NFIB: variants seen among roughly 807,000 people sequenced by gnomAD.
NFIB encodes nuclear factor I B, also known as nuclear factor 1 B-type.
NFIB carries 11 observed loss-of-function variants against 61.5 expected under a neutral mutation model. The ratio of observed to expected loss-of-function variants is 0.18; its 90% CI spans 0.11 to 0.30. NFIB has a LOEUF of 0.30. Among genes scored for constraint, NFIB ranks in the 10% least tolerant of loss-of-function variants. The pLI is 1.00. For synonymous variants in NFIB, 260 were observed against 216.5 expected (o/e 1.20, Z -1.76); for missense variants, 471 against 608.9 (o/e 0.77, Z 2.38).
At chr9:14,136,959 A>G (rs1484523164) in intron 6 of NFIB, among the ~76,000 whole-genome samples, 1 of 152,164 alleles carries the variant, frequency 6.6e-6, no homozygotes, top group Non-Finnish European at 1.5e-5. Flanking sequence ...GTAAATGAAG[A>G]AAAAAAGAAC....
chr9:14,503,092 A>G, the NFIB span, among the ~76,000 whole-genome samples: 16 of 147,784 alleles, frequency 1.1e-4, no homozygotes, highest in African/African-American at 4.0e-4. Flanking sequence ...TTTATGGTAT[A>G]TATATATATA....
chr9:14,225,986 C>G (rs1369732142), intron 2 of NFIB, among the ~76,000 whole-genome samples: 1 of 152,058 alleles, frequency 6.6e-6, no homozygotes, highest in African/African-American at 2.4e-5. Context: ...ATTTTTAACA[C>G]TAATTCAGAT....
chr9:14,392,673 T>C (rs2061638671), intron 1 of NFIB, among the ~76,000 whole-genome samples: 1 of 152,028 alleles, frequency 6.6e-6, no homozygotes, highest in Non-Finnish European at 1.5e-5. Context: ...TGAGCTGTGA[T>C]TGTGCCACTG....
intron 2 of NFIB, among the ~76,000 whole-genome samples, chr9:14,189,055 C>T (rs777416353): frequency 2.6e-5 from 4 of 152,132 alleles, no homozygotes; most frequent in Non-Finnish European, 5.9e-5. Context: ...TGCTGTTTTA[C>T]CTCCAAAGTC....
At chr9:14,137,571 C>T (rs929210559) in intron 6 of NFIB, among the ~76,000 whole-genome samples, 12 of 152,056 alleles carry the variant, frequency 7.9e-5, no homozygotes, top group African/African-American at 2.7e-4. Context: ...TGTTATTTTA[C>T]AGATGGGAAA....
chr9:14,248,298 C>T (rs533526762), intron 2 of NFIB, among the ~76,000 whole-genome samples: 39 of 150,848 alleles, frequency 2.6e-4, no homozygotes, highest in Admixed American at 4.6e-4. Flanking sequence ...CCTCCCCTCT[C>T]CTCCACTCCC....
chr9:14,463,890 G>A, the NFIB span, among the ~76,000 whole-genome samples: 1 of 152,088 alleles, frequency 6.6e-6, no homozygotes, highest in Non-Finnish European at 1.5e-5. Context: ...TCGATCTCCT[G>A]ACCTCGTGGT....
chr9:14,305,146 T>G (rs1363921504), intron 2 of NFIB, among the ~76,000 whole-genome samples: 1 of 152,210 alleles, frequency 6.6e-6, no homozygotes. Flanking sequence ...TTTTTTTTCT[T>G]TTTTCAATCT....
intron 10 of NFIB, among the ~76,000 whole-genome samples, chr9:14,092,439 C>G (rs1387587800): frequency 6.6e-6 from 1 of 152,008 alleles, no homozygotes; most frequent in Admixed American, 6.6e-5. Flanking sequence ...GAAACTGAGG[C>G]AAGTTAAGTT....
chr9:14,466,277 A>G, the NFIB span, among the ~76,000 whole-genome samples: 1 of 152,190 alleles, frequency 6.6e-6, no homozygotes, highest in African/African-American at 2.4e-5. Context: ...AAAACCCTGA[A>G]GGTCTGCCAA....
Position 14,329,537 on chromosome 9 carries a change from C to T in NFIB, c.109-22017G>A, listed in dbSNP as rs375059587. Among the ~76,000 whole-genome samples the T allele has an allele frequency of 1.3e-4, 20 of 151,996 alleles. No homozygotes were observed. The East Asian group carries it at 2.4e-3, about 18-fold the overall frequency. ...CTTTTTCTTTTTTTCTTTTTTAAGA[C>T]GGAGTCTCACTCTGTCACCCAGGCT... On this transcript the variant is annotated intron_variant, in intron 1 of 8. Coordinates refer to the NFIB transcript ENST00000380934.
the NFIB span, among the ~76,000 whole-genome samples, chr9:14,456,735 G>A: frequency 6.6e-5 from 10 of 152,252 alleles, no homozygotes; most frequent in South Asian, 6.2e-4. Context: ...AAGCACTTCC[G>A]GTAGGGGTAC....
intron 3 of NFIB, among the ~76,000 whole-genome samples, chr9:14,176,111 T>C (rs2046159062): frequency 6.6e-6 from 1 of 151,998 alleles, no homozygotes; most frequent in African/African-American, 2.4e-5. Context: ...AAAGTAGCAG[T>C]GGAGTTTTTA....
chr9:14,511,255 A>C, the NFIB span, among the ~76,000 whole-genome samples: 1 of 151,928 alleles, frequency 6.6e-6, no homozygotes, highest in Non-Finnish European at 1.5e-5. Flanking sequence ...TAGTTCGTTT[A>C]TATTTTTTTG....
At chr9:14,249,558 ATTATCTT>A (rs2055339783) in intron 2 of NFIB, among the ~76,000 whole-genome samples, 1 of 152,088 alleles carries the variant, frequency 6.6e-6, no homozygotes, top group African/African-American at 2.4e-5. Flanking sequence ...GTTTTCTCCC[ATTATCTT>A]ATAAACTTCC....
chr9:14,464,523 A>T, the NFIB span, among the ~76,000 whole-genome samples: 1 of 152,140 alleles, frequency 6.6e-6, no homozygotes, highest in Non-Finnish European at 1.5e-5. Context: ...TGGAGGAAAA[A>T]GGGAGGGTGT....
In NFIB at chr9:14,241,049, G is replaced by A. The variant is rs989664060; in HGVS notation, c.563-61269C>T. ...CACAGTAATTCCAATGGGTCTTTCT[G>A]AATCAGCCGCAGCTGAGAAAGAAAG... On this transcript the variant is annotated intron_variant, in intron 2 of 10. Coordinates refer to ENST00000380953, the MANE Select transcript of NFIB (RefSeq NM_001190737.2). 5.7e-4 allele frequency among the ~76,000 whole-genome samples: 87 copies of A among 152,160 alleles called. 2 individuals are homozygous for A. The highest frequency in any genetic ancestry group is 5.6e-3 in the Admixed American group (86 of 15,274).
At chr9:14,182,295 CAAT>C (rs1189317899) in intron 2 of NFIB, among the ~76,000 whole-genome samples, 1 of 152,166 alleles carries the variant, frequency 6.6e-6, no homozygotes, top group African/African-American at 2.4e-5. Flanking sequence ...TACTGGCACA[CAAT>C]GACAGACTCC....
At chr9:14,515,447 T>C in the NFIB span, among the ~76,000 whole-genome samples, 3 of 152,214 alleles carry the variant, frequency 2.0e-5, no homozygotes, top group Admixed American at 2.0e-4. Context: ...AATCAACTTT[T>C]CCACTAACTC....
Sources: allele counts gnomAD v4.1 joint callset (sites outside exome capture counted in the v4.1 genomes callset), GRCh38; gene constraint gnomAD v4.1.1; transcripts MANE v1.5; gene names NCBI Gene and HGNC (gene_info 2026-07-23, HGNC 2026-07-21).